Variants in SYNE1 observed in about 807,000 individuals in gnomAD.
SYNE1 encodes nesprin-1.
SYNE1 carries 616 observed loss-of-function variants against 1,111.0 expected under a neutral mutation model. The observed-to-expected ratio is 0.55, with a 90% confidence interval of 0.52 to 0.59. SYNE1 has a LOEUF of 0.59. Among genes scored for constraint, SYNE1 ranks in the 20% least tolerant of loss-of-function variants. The pLI is 0.00. For synonymous variants in SYNE1, 3,855 were observed against 3,825.8 expected, an observed-to-expected ratio of 1.01 and a Z score of -0.28; for missense variants, 10,006 against 10,417.0, an observed-to-expected ratio of 0.96 and a Z score of 1.72.
At chr6:152,594,925 C>T (rs887505862) in intron 3 of SYNE1, among the ~76,000 whole-genome samples, 6 of 152,308 alleles carry the variant, frequency 3.9e-5, no homozygotes, top group South Asian at 2.1e-4. Context: ...ACACCTTCAC[C>T]GTACCACATT....
chr6:152,299,582 G>A (rs1029559313), intron 93 of SYNE1, among the ~76,000 whole-genome samples: 1 of 152,118 alleles, frequency 6.6e-6, no homozygotes, highest in African/African-American at 2.4e-5. Flanking sequence ...GTGTCAGAAT[G>A]TACTTGACAA....
At chr6:152,282,170 T>C in intron 96 of SYNE1, 190 bp from the exon 97 acceptor site, 1 of 627,164 alleles carries the variant, frequency 1.6e-6, no homozygotes, top group Admixed American at 2.6e-5. Context: ...TCAAAATTGG[T>C]ATTTTTAAAA....
At chr6:152,391,897 G>A (rs998040842) in intron 51 of SYNE1, among the ~76,000 whole-genome samples, 4 of 152,260 alleles carry the variant, frequency 2.6e-5, no homozygotes, top group Non-Finnish European at 4.4e-5. Flanking sequence ...AGGCTTCTCC[G>A]TAGCATCTCT....
intron 131 of SYNE1, among the ~76,000 whole-genome samples, chr6:152,158,975 C>T (rs186294760): frequency 2.4e-4 from 37 of 152,234 alleles, no homozygotes; most frequent in Admixed American, 2.1e-3. Context: ...TTTTTTGAGA[C>T]GGAGTCTCGC....
At chr6:152,367,653 T>C (rs1382770822) in intron 61 of SYNE1, 1 of 459,670 alleles carries the variant, frequency 2.2e-6, no homozygotes, top group African/African-American at 2.0e-5. Flanking sequence ...CAGTAAAATT[T>C]CTCCCTAATG....
Position 152,122,665 on chromosome 6 carries a change from C to T in SYNE1, c.26165G>A (p.Gly8722Asp). ...VSSPHSRSTK[G>D]GSDSSLSEPG... ...CTCAGAAAGGGAGGAATCGGAGCCA[C>T]CTTTTGTGGACCTGAGAGAAGAATG... The change falls in exon 146 of 146, where the codon GGT becomes GAT. Residue 8722 changes from glycine (G) to aspartate (D), a missense_variant. By Grantham distance (94) the Gly-to-Asp change is moderately conservative. This residue lies in a region of SYNE1 where 761 missense variants were observed against 795.5 expected (regional missense o/e 0.96). Transcript: ENST00000367255. 6.2e-7 allele frequency: 1 copy of T among 1,613,900 alleles called. No individual in the cohort carries two copies. Among genetic ancestry groups the T allele is most frequent in the Non-Finnish European group, 8.5e-7 (1 of 1,179,920 alleles).
chr6:152,398,567 A>G lies in SYNE1; in HGVS notation c.7350+52T>C, dbSNP rs2097769620. On this transcript the variant is annotated intron_variant, in intron 49 of 145. Coordinates refer to ENST00000367255, the MANE Select transcript of SYNE1 (RefSeq NM_182961.4). The stretch of plus-strand genomic sequence containing the variant: ...AATGAGATAACTTAGGTCTGCCTGC[A>G]GGCACCTGAGTACATTTTGGGGAAG... The G allele has an allele frequency of 2.7e-6, 4 of 1,457,096 alleles. No homozygotes were observed. In the East Asian group the frequency reaches 6.8e-5, roughly 25 times the overall value. 90.3% of individuals were successfully genotyped at this position (1,457,096 alleles called of 1,614,324 possible).
intron 49 of SYNE1, among the ~76,000 whole-genome samples, chr6:152,397,605 A>G (rs988099897): frequency 6.6e-6 from 1 of 152,186 alleles, no homozygotes; most frequent in African/African-American, 2.4e-5. Flanking sequence ...TTCCTTTACT[A>G]TAACGATCTT....
At chr6:152,588,752 G>A (rs1335529140) in intron 3 of SYNE1, among the ~76,000 whole-genome samples, 1 of 152,090 alleles carries the variant, frequency 6.6e-6, no homozygotes, top group East Asian at 1.9e-4. Flanking sequence ...AAGTCTTCTA[G>A]GTAATTAACT....
chr6:152,275,642 G>T (rs2093563611), intron 98 of SYNE1, among the ~76,000 whole-genome samples: 1 of 152,050 alleles, frequency 6.6e-6, no homozygotes, highest in Non-Finnish European at 1.5e-5. Context: ...CACTTTGGGA[G>T]GCTGAGGTGG....
In SYNE1 at chr6:152,220,851, T is replaced by G. The variant is rs2080016939; in HGVS notation, c.21852A>C (p.Gln7284His). The G allele has an allele frequency of 9.3e-6, 15 of 1,613,846 alleles. No homozygotes were observed. Among genetic ancestry groups the G allele is most frequent in the Non-Finnish European group, 1.3e-5 (15 of 1,179,978 alleles). Residue 7284 changes from glutamine to histidine, a missense_variant, in exon 119 of 146, where the codon CAA becomes CAC. Gln to His is a conservative substitution (Grantham distance 24). This residue lies in a region of SYNE1 where 2,182 missense variants were observed against 2,287.8 expected (regional missense o/e 0.95). Transcript: ENST00000367255. ...IADDEVATWI[Q>H]DCNDLLKGLG... is the part of the protein sequence containing the mutation. ...TAGCTCCTGAACATACGTTGCAATC[T>G]TGAATCCATGTGGCAACCTCATCAT...
chr6:152,631,376 G>A (rs2099697732), intron 2 of SYNE1, among the ~76,000 whole-genome samples: 1 of 152,174 alleles, frequency 6.6e-6, no homozygotes, highest in South Asian at 2.1e-4. Context: ...GTGACATTGT[G>A]GAAAAGAGGG....
chr6:152,516,035 A>G (rs1429142794), intron 6 of SYNE1, among the ~76,000 whole-genome samples: 2 of 152,270 alleles, frequency 1.3e-5, no homozygotes, highest in African/African-American at 4.8e-5. Context: ...AAGTCAGTAC[A>G]AAGATCAAAG....
At chr6:152,182,133 A>C (rs1451018105) in intron 128 of SYNE1, among the ~76,000 whole-genome samples, 1 of 152,168 alleles carries the variant, frequency 6.6e-6, no homozygotes, top group African/African-American at 2.4e-5. Context: ...AGTTTCTTAT[A>C]CATTATATAT....
chr6:152,355,379 G>C (rs912676308), intron 66 of SYNE1, among the ~76,000 whole-genome samples: 6 of 152,156 alleles, frequency 3.9e-5, no homozygotes, highest in African/African-American at 1.4e-4. Flanking sequence ...TGCTACATTT[G>C]TGACTGAGAA....
chr6:152,516,944 A>G (rs1307425028), intron 6 of SYNE1, among the ~76,000 whole-genome samples: 1 of 152,212 alleles, frequency 6.6e-6, no homozygotes, highest in East Asian at 1.9e-4. Context: ...ATGAAAAATT[A>G]ATGAAGGGTG....
At chr6:152,130,392 G>A (rs2055193575) in intron 145 of SYNE1, among the ~76,000 whole-genome samples, 1 of 152,144 alleles carries the variant, frequency 6.6e-6, no homozygotes, top group Non-Finnish European at 1.5e-5. Context: ...GAAATAAAGA[G>A]GATGATAAAA....
intron 19 of SYNE1, 69 bp from the exon 20 acceptor site, chr6:152,462,959 C>T: frequency 6.5e-7 from 1 of 1,548,442 alleles, no homozygotes; most frequent in Non-Finnish European, 8.9e-7. Context: ...CCACAACTTT[C>T]ACTTTCACAT....
intron 76 of SYNE1, chr6:152,336,049 TA>T (rs1358315357): frequency 6.6e-6 from 1 of 151,768 alleles, no homozygotes; most frequent in African/African-American, 2.4e-5. Context: ...AAACTGCATT[TA>T]TATTATACTT....
Sources: gnomAD v4.1 joint callset for allele counts (sites outside exome capture counted in the v4.1 genomes callset) on GRCh38, gnomAD v4.1.1 for gene constraint, gnomAD v4.1.1 regional missense constraint, MANE v1.5 for transcripts, NCBI Gene and HGNC (gene_info 2026-07-23, HGNC 2026-07-21) for gene names.